TUSC3: variants seen among roughly 807,000 people sequenced by gnomAD.
The protein encoded by TUSC3 is dolichyl-diphosphooligosaccharide--protein glycosyltransferase subunit TUSC3.
Under a neutral mutation model 44.8 loss-of-function variants are expected in TUSC3, and 45 were observed. That is an observed-to-expected ratio of 1.00 (90% CI 0.79 to 1.29). The LOEUF (loss-of-function observed/expected upper bound fraction) is 1.29, where lower values mean the gene tolerates loss of function less well. Ranked by LOEUF, TUSC3 falls within the 50% of genes most tolerant of loss-of-function variation. The pLI is 0.00. For synonymous variants in TUSC3, 212 were observed against 152.9 expected (o/e 1.39, Z -2.85); for missense variants, 519 against 437.9 (o/e 1.19, Z -1.65).
At chr8:15,753,934 A>G (rs1017803424) in intron 9 of TUSC3, among the ~76,000 whole-genome samples, 3 of 152,238 alleles carry the variant, frequency 2.0e-5, no homozygotes, top group East Asian at 1.9e-4. Flanking sequence ...AGAAGAAGAA[A>G]TAATTCTGAT....
chr8:15,826,987 G>C, the TUSC3 span, among the ~76,000 whole-genome samples: 1 of 152,136 alleles, frequency 6.6e-6, no homozygotes, highest in Non-Finnish European at 1.5e-5. Context: ...GAGGTTGCAG[G>C]TCAGAGTTCT....
At chr8:15,541,128 A>G (rs1801677810) in intron 1 of TUSC3, among the ~76,000 whole-genome samples, 1 of 152,198 alleles carries the variant, frequency 6.6e-6, no homozygotes, top group Non-Finnish European at 1.5e-5. Flanking sequence ...GTTTTAAGTT[A>G]TCCTGTATGT....
chr8:15,826,445 GT>G, the TUSC3 span, among the ~76,000 whole-genome samples: 1 of 152,072 alleles, frequency 6.6e-6, no homozygotes, highest in Non-Finnish European at 1.5e-5. Context: ...GATTCTTCTG[GT>G]TTAGTGATAT....
At chr8:15,726,351 A>G (rs1810495939) in intron 6 of TUSC3, among the ~76,000 whole-genome samples, 2 of 152,140 alleles carry the variant, frequency 1.3e-5, no homozygotes, top group South Asian at 2.1e-4. Context: ...TCATTCATAT[A>G]TATTGTTTTT....
intron 6 of TUSC3, among the ~76,000 whole-genome samples, chr8:15,693,710 A>G (rs1301366637): frequency 2.6e-5 from 4 of 151,172 alleles, no homozygotes; most frequent in African/African-American, 9.7e-5. Context: ...GCTTGGGGAA[A>G]TTTTCACGGA....
intron 6 of TUSC3, among the ~76,000 whole-genome samples, chr8:15,678,944 T>G (rs117633423): frequency 2.0e-5 from 3 of 152,326 alleles, no homozygotes; most frequent in Non-Finnish European, 4.4e-5. Context: ...GGACATGATT[T>G]TATTGTGCTG....
intron 6 of TUSC3, among the ~76,000 whole-genome samples, chr8:15,708,716 C>A (rs1474766106): frequency 1.3e-5 from 2 of 151,862 alleles, no homozygotes; most frequent in African/African-American, 4.8e-5. Context: ...TGCTTTCTGT[C>A]TAGCATTAGT....
At chr8:15,661,515 G>C (rs149670594) in intron 4 of TUSC3, among the ~76,000 whole-genome samples, 3 of 152,010 alleles carry the variant, frequency 2.0e-5, no homozygotes, top group South Asian at 4.1e-4. Context: ...CATAGGTCCT[G>C]TTTTGTTTTA....
At chr8:15,466,676 A>G (rs1372220142) in intron 1 of TUSC3, among the ~76,000 whole-genome samples, 2 of 152,174 alleles carry the variant, frequency 1.3e-5, no homozygotes, top group Non-Finnish European at 2.9e-5. Context: ...TCTGAACAGT[A>G]GATTAAGGAA....
the TUSC3 span, among the ~76,000 whole-genome samples, chr8:15,803,326 T>G: frequency 0.15 from 23,398 of 152,206 alleles, 1,867 homozygotes; most frequent in Middle Eastern, 0.21. Flanking sequence ...AATTTAGTAC[T>G]ATCATCCTAA....
intron 1 of TUSC3, among the ~76,000 whole-genome samples, chr8:15,575,056 T>C (rs950713056): frequency 6.6e-6 from 1 of 152,160 alleles, no homozygotes; most frequent in African/African-American, 2.4e-5. Context: ...ATACTGACTA[T>C]AAACTTATCC....
At chr8:15,457,571 A>G (rs554213326) in intron 1 of TUSC3, among the ~76,000 whole-genome samples, 31 of 151,006 alleles carry the variant, frequency 2.1e-4, no homozygotes, top group South Asian at 8.3e-4. Flanking sequence ...TTCTGCACAT[A>G]CGCTACGAGA....
chr8:15,489,201 G>C (rs1045370984), intron 2 of TUSC3, among the ~76,000 whole-genome samples: 20 of 152,182 alleles, frequency 1.3e-4, no homozygotes, highest in African/African-American at 4.3e-4. Flanking sequence ...CATTGGTTCA[G>C]TCGGGAAAGG....
chr8:15,747,459 ATCTT>A (rs1366971700), intron 8 of TUSC3, among the ~76,000 whole-genome samples: 3 of 143,622 alleles, frequency 2.1e-5, no homozygotes, highest in South Asian at 2.1e-4. Flanking sequence ...TTATTTAAAT[ATCTT>A]TGTCTTTTAT....
the TUSC3 span, among the ~76,000 whole-genome samples, chr8:15,842,767 C>G: frequency 6.6e-6 from 1 of 152,146 alleles, no homozygotes; most frequent in African/African-American, 2.4e-5. Context: ...TTGGTATTGA[C>G]AATTCTTTGA....
intron 1 of TUSC3, among the ~76,000 whole-genome samples, chr8:15,590,772 G>A (rs2042992): frequency 0.79 from 119,973 of 151,820 alleles, 48,249 homozygotes; most frequent in Non-Finnish European, 0.87. Context: ...CCTGGGCTCA[G>A]GCAGTCCTCT....
Position 15,602,255 on chromosome 8 carries a change from C to A in TUSC3, c.139-20825C>A, listed in dbSNP as rs1804319784. 2.0e-5 allele frequency among the ~76,000 whole-genome samples: 3 copies of A among 151,590 alleles called. No individual in the cohort carries two copies. In the Admixed American group the frequency reaches 2.0e-4, roughly 10 times the overall value. ...TATAGGCCTTCCTTTTTGAATAAAT[C>A]TATTTTCTTATTGCCTGTTGTTCAT... On this transcript the variant is annotated intron_variant, in intron 1 of 10. Coordinates refer to ENST00000503731, the MANE Select transcript of TUSC3 (RefSeq NM_006765.4).
chr8:15,532,644 G>C (rs1174576401), intron 2 of TUSC3, among the ~76,000 whole-genome samples: 4 of 152,246 alleles, frequency 2.6e-5, no homozygotes, highest in Admixed American at 1.3e-4. Context: ...CATGTGAGGG[G>C]GTGATATGGT....
At chr8:15,534,276 G>C (rs1295268869) in intron 2 of TUSC3, among the ~76,000 whole-genome samples, 3 of 152,106 alleles carry the variant, frequency 2.0e-5, no homozygotes, top group Admixed American at 6.5e-5. Context: ...TCATACTATA[G>C]AAATAATATC....
Sources: allele counts gnomAD v4.1 joint callset (sites outside exome capture counted in the v4.1 genomes callset), GRCh38; gene constraint gnomAD v4.1.1; transcripts MANE v1.5; gene names NCBI Gene and HGNC (gene_info 2026-07-23, HGNC 2026-07-21).